SLC24A2: variants seen among roughly 807,000 people sequenced by gnomAD.
SLC24A2 encodes the protein solute carrier family 24 member 2.
In SLC24A2, 36 loss-of-function variants were observed where a neutral mutation model predicts 62.0. The observed-to-expected ratio is 0.58, with a 90% CI of 0.44 to 0.77. The LOEUF (loss-of-function observed/expected upper bound fraction) is 0.77, where lower values mean the gene tolerates loss of function less well. SLC24A2 is among the 30% of genes least tolerant of loss of function. The pLI, the probability that SLC24A2 is intolerant of heterozygous loss-of-function variation, is 0.00. For missense variants in SLC24A2, 846 were observed against 817.9 expected (o/e 1.03, Z -0.42); for synonymous variants, 358 against 294.0 (o/e 1.22, Z -2.23).
chr9:19,795,660 A>G, the SLC24A2 span, among the ~76,000 whole-genome samples: 1 of 151,926 alleles, frequency 6.6e-6, no homozygotes, highest in Non-Finnish European at 1.5e-5. Flanking sequence ...GATGTTACCT[A>G]CTAAATTCTT....
intron 2 of SLC24A2, among the ~76,000 whole-genome samples, chr9:19,678,271 A>C (rs2383113): frequency 0.64 from 97,647 of 152,084 alleles, 33,269 homozygotes; most frequent in East Asian, 0.94. Context: ...CCACCCAACA[A>C]TCTAGTTTGT....
At chr9:20,177,564 G>A in the SLC24A2 span, among the ~76,000 whole-genome samples, 3 of 152,092 alleles carry the variant, frequency 2.0e-5, no homozygotes, top group Non-Finnish European at 4.4e-5. Flanking sequence ...GAAGTGAGTG[G>A]TATGTTTGGA....
chr9:19,825,276 G>T, the SLC24A2 span, among the ~76,000 whole-genome samples: 4 of 152,148 alleles, frequency 2.6e-5, no homozygotes, highest in Non-Finnish European at 5.9e-5. Context: ...GCAATAGAAA[G>T]TCCAAGATCA....
chr9:19,612,793 C>G (rs1265318842), intron 4 of SLC24A2, among the ~76,000 whole-genome samples: 24 of 152,208 alleles, frequency 1.6e-4, no homozygotes, highest in Admixed American at 1.6e-3. Flanking sequence ...GGGAGGATCA[C>G]TTGAGCCCAG....
intron 2 of SLC24A2, among the ~76,000 whole-genome samples, chr9:19,785,094 T>A (rs1386365573): frequency 1.3e-5 from 2 of 152,160 alleles, no homozygotes; most frequent in South Asian, 2.1e-4. Context: ...AAATCAGAAC[T>A]CCATTACAAT....
chr9:20,094,950 T>C, the SLC24A2 span, among the ~76,000 whole-genome samples: 1 of 152,184 alleles, frequency 6.6e-6, no homozygotes, highest in African/African-American at 2.4e-5. Flanking sequence ...GGTGTAGTAG[T>C]TTTAAAATAT....
chr9:20,085,863 A>C, the SLC24A2 span, among the ~76,000 whole-genome samples: 1 of 152,178 alleles, frequency 6.6e-6, no homozygotes, highest in Non-Finnish European at 1.5e-5. Flanking sequence ...AATTTTTTTT[A>C]AACCTGTGTT....
chr9:20,078,650 C>G, the SLC24A2 span, among the ~76,000 whole-genome samples: 1 of 152,176 alleles, frequency 6.6e-6, no homozygotes, highest in Non-Finnish European at 1.5e-5. Flanking sequence ...TCCCTTCTGG[C>G]TACTCCTTCA....
the SLC24A2 span, among the ~76,000 whole-genome samples, chr9:20,095,980 C>A: frequency 5.0e-4 from 76 of 152,216 alleles, no homozygotes; most frequent in African/African-American, 1.7e-3. Context: ...TCAATTATTT[C>A]CCACTGGGTC....
chr9:20,281,378 C>G, the SLC24A2 span, among the ~76,000 whole-genome samples: 3 of 152,118 alleles, frequency 2.0e-5, no homozygotes, highest in Non-Finnish European at 4.4e-5. Flanking sequence ...TAGGATAGAG[C>G]TTGATACATT....
chr9:19,630,400 AT>A lies in SLC24A2; in HGVS notation c.931-8102del, dbSNP rs565123955. Among the ~76,000 whole-genome samples the A allele has an allele frequency of 3.7e-3, 569 of 152,210 alleles. 1 individual carries two copies. Among genetic ancestry groups the A allele is most frequent in the Admixed American group, 6.5e-3 (99 of 15,282 alleles). ...TTTTGATAATATTAACAGTAACAAA[AT>A]TTTTTTGCCAATCTTTTATTTTAAA... On this transcript the variant is annotated intron_variant, in intron 2 of 10. Coordinates refer to ENST00000341998, the MANE Select transcript of SLC24A2 (RefSeq NM_020344.4).
At chr9:19,637,304 T>C (rs1818383065) in intron 2 of SLC24A2, among the ~76,000 whole-genome samples, 1 of 152,246 alleles carries the variant, frequency 6.6e-6, no homozygotes, top group African/African-American at 2.4e-5. Flanking sequence ...GGGCAGAGAC[T>C]GGGCAGGGTG....
intron 2 of SLC24A2, among the ~76,000 whole-genome samples, chr9:19,668,533 T>C (rs1192298895): frequency 3.3e-5 from 5 of 152,218 alleles, no homozygotes; most frequent in South Asian, 2.1e-4. Flanking sequence ...CTAGTTCAAA[T>C]GCTGTTGACT....
chr9:19,905,395 G>A, the SLC24A2 span, among the ~76,000 whole-genome samples: 1 of 150,234 alleles, frequency 6.7e-6, no homozygotes, highest in African/African-American at 2.5e-5. Flanking sequence ...TAACTCCATC[G>A]CTTCCCACCT....
the SLC24A2 span, among the ~76,000 whole-genome samples, chr9:19,960,152 G>GT: frequency 6.6e-6 from 1 of 152,066 alleles, no homozygotes; most frequent in Non-Finnish European, 1.5e-5. Flanking sequence ...GCCAACCAAA[G>GT]TAAGAAATGC....
At chr9:19,563,850 C>T (rs1335391679) in intron 7 of SLC24A2, among the ~76,000 whole-genome samples, 19 of 109,000 alleles carry the variant, frequency 1.7e-4, no homozygotes, top group East Asian at 2.5e-4. Context: ...CCCTCCCTCC[C>T]TCCCTCCCTC....
the SLC24A2 span, among the ~76,000 whole-genome samples, chr9:20,009,797 T>G: frequency 6.6e-6 from 1 of 152,106 alleles, no homozygotes; most frequent in Non-Finnish European, 1.5e-5. Context: ...AGCTGCAGCA[T>G]GATTACTCAA....
At chr9:19,559,319 C>T (rs572166418) in intron 7 of SLC24A2, among the ~76,000 whole-genome samples, 2 of 152,256 alleles carry the variant, frequency 1.3e-5, no homozygotes, top group African/African-American at 4.8e-5. Context: ...ATTTATCAAG[C>T]ATTCATTGAC....
chr9:20,244,475 AATGC>A, the SLC24A2 span, among the ~76,000 whole-genome samples: 8 of 152,188 alleles, frequency 5.3e-5, no homozygotes, highest in African/African-American at 1.9e-4. Context: ...CGCCCTGTGA[AATGC>A]ATGCGTGCAG....
Sources: gnomAD v4.1 joint callset for allele counts (sites outside exome capture counted in the v4.1 genomes callset) on GRCh38, gnomAD v4.1.1 for gene constraint, MANE v1.5 for transcripts, NCBI Gene and HGNC (gene_info 2026-07-23, HGNC 2026-07-21) for gene names.